Variants in LRRN1 observed in about 807,000 individuals in gnomAD.
LRRN1 encodes leucine-rich repeat neuronal protein 1.
A neutral mutation model predicts 45.8 loss-of-function variants in LRRN1; 14 were observed. The ratio of observed to expected loss-of-function variants is 0.31; its 90% CI spans 0.20 to 0.48. The LOEUF is 0.48. LRRN1 is among the 20% of genes least tolerant of loss of function. LRRN1 has a pLI of 0.99. For missense variants in LRRN1, 789 were observed against 874.2 expected, an observed-to-expected ratio of 0.90 and a Z score of 1.23; for synonymous variants, 359 against 330.1, an observed-to-expected ratio of 1.09 and a Z score of -0.95.
At chr3:3,826,768 T>C (rs879626204) in intron 1 of LRRN1, among the ~76,000 whole-genome samples, 2 of 152,122 alleles carry the variant, frequency 1.3e-5, no homozygotes, top group Non-Finnish European at 2.9e-5. Context: ...AAGGGTCAGG[T>C]GCCAGAAAAA....
chr3:3,817,697 T>G (rs1378129809), intron 1 of LRRN1, among the ~76,000 whole-genome samples: 1 of 152,182 alleles, frequency 6.6e-6, no homozygotes, highest in Admixed American at 6.5e-5. Context: ...TGTTAGTTTT[T>G]TTTTTTTTTA....
At position 3,822,286 on chromosome 3, in the gene LRRN1, A is replaced by G. The variant is rs1485485829; in HGVS notation, c.-278-22078A>G. The stretch of plus-strand genomic sequence containing the variant: ...AAGAACTAACTGCTGTTACTCTTAC[A>G]ACTACTACTCAGCCAAAACTACCCT... On this transcript the variant is annotated intron_variant, in intron 1 of 1. Transcript: ENST00000319331. 2.0e-5 allele frequency among the ~76,000 whole-genome samples: 3 copies of G among 152,344 alleles called. No individual in the cohort carries two copies. The East Asian group carries it at 5.8e-4, about 29-fold the overall frequency.
At chr3:3,813,630 A>C (rs1239256330) in intron 1 of LRRN1, among the ~76,000 whole-genome samples, 2 of 152,092 alleles carry the variant, frequency 1.3e-5, no homozygotes, top group African/African-American at 2.4e-5. Flanking sequence ...ATTTCCCTCC[A>C]ACCATAACCT....
intron 1 of LRRN1, among the ~76,000 whole-genome samples, chr3:3,802,425 A>G (rs1405620863): frequency 1.3e-5 from 2 of 152,186 alleles, no homozygotes; most frequent in African/African-American, 4.8e-5. Context: ...TATTCTATAT[A>G]TTCACTGAAA....
Position 3,816,318 on chromosome 3 carries a change from A to T in LRRN1, c.-279+16399A>T, listed in dbSNP as rs982750172. 6.6e-6 allele frequency among the ~76,000 whole-genome samples: 1 copy of T among 152,168 alleles called. No homozygotes were observed. The highest frequency in any genetic ancestry group is 1.5e-5 in the Non-Finnish European group (1 of 68,008). On this transcript the variant is annotated intron_variant, in intron 1 of 1. Coordinates refer to ENST00000319331, the MANE Select transcript of LRRN1 (RefSeq NM_020873.7). This position sits in a 1 kb window ranked among gnomAD's most constrained non-coding sequence, Gnocchi z 4.0. The stretch of plus-strand genomic sequence containing the variant: ...GTATTGGACCATTAGTTTCAAATGC[A>T]TACTAAGATAGGGGAACACATTGGC...
intron 1 of LRRN1, among the ~76,000 whole-genome samples, chr3:3,839,514 A>C (rs1345288280): frequency 6.6e-6 from 1 of 152,144 alleles, no homozygotes; most frequent in African/African-American, 2.4e-5. Flanking sequence ...TTTCCTGTAG[A>C]AATTACCATT....
At chr3:3,829,618 C>T (rs1233146122) in intron 1 of LRRN1, among the ~76,000 whole-genome samples, 1 of 152,206 alleles carries the variant, frequency 6.6e-6, no homozygotes. Flanking sequence ...GGCCATTCCA[C>T]TGTTCTGTCA....
At chr3:3,842,564 C>T (rs558587114) in intron 1 of LRRN1, among the ~76,000 whole-genome samples, 3 of 152,086 alleles carry the variant, frequency 2.0e-5, no homozygotes, top group African/African-American at 4.8e-5. Flanking sequence ...AAGATAACTA[C>T]GTTTTACAAA....
At chr3:3,833,263 C>G (rs1693408209) in intron 1 of LRRN1, among the ~76,000 whole-genome samples, 1 of 152,182 alleles carries the variant, frequency 6.6e-6, no homozygotes, top group Admixed American at 6.5e-5. Flanking sequence ...ATCCCTTCCT[C>G]TACATTAAAC....
Position 3,847,614 on chromosome 3 carries a change from T to C in LRRN1, c.*822T>C, listed in dbSNP as rs1368316268. The C allele has an allele frequency of 4.8e-5, 8 of 167,104 alleles. No homozygotes were observed. The highest frequency in any genetic ancestry group is 2.9e-5 in the Non-Finnish European group (2 of 68,124). The allele number at this position is 167,104 out of a possible 1,614,324, so 10.4% of individuals were successfully genotyped here. A position where few individuals can be genotyped will look rare whatever the true frequency, so the allele number is the denominator to read the frequency against. ...TAATAAATTAGTTTTGTTCTGATTT[T>C]TTAGAACACTTGCAATAATGTATCA... is the stretch of plus-strand genomic sequence containing the variant. On this transcript the variant is annotated 3_prime_UTR_variant, in exon 2 of 2. Coordinates refer to ENST00000319331, the MANE Select transcript of LRRN1 (RefSeq NM_020873.7).
chr3:3,831,102 T>C (rs2083960), intron 1 of LRRN1, among the ~76,000 whole-genome samples: 101,062 of 152,112 alleles, frequency 0.66, 34,968 homozygotes, highest in Non-Finnish European at 0.77. Context: ...GGGCTTGTTG[T>C]AGAGCCTGCT....
chr3:3,837,113 G>C (rs766944588), intron 1 of LRRN1, among the ~76,000 whole-genome samples: 2 of 152,146 alleles, frequency 1.3e-5, no homozygotes, highest in East Asian at 3.8e-4. Flanking sequence ...ACTCCCCTCA[G>C]CTCTGGAAAG....
intron 1 of LRRN1, among the ~76,000 whole-genome samples, chr3:3,834,525 GATAT>G (rs71040093): frequency 0.035 from 950 of 27,324 alleles, 131 homozygotes; most frequent in South Asian, 0.11. Context: ...GACAGAACAG[GATAT>G]ATATATATAT....
At position 3,844,630 on chromosome 3, in the gene LRRN1, C is replaced by G; in HGVS notation, c.-12C>G. 3 of 1,598,252 alleles carry G rather than the reference C, an allele frequency of 1.9e-6. No homozygotes were observed. The highest frequency in any genetic ancestry group is 2.6e-6 in the Non-Finnish European group (3 of 1,170,312). The stretch of plus-strand genomic sequence containing the variant: ...TGGGGTGTCAGGAGTTGAGCTTGCT[C>G]AGCAAGCCAGCATGGCTAGGATGAG... On this transcript the variant is annotated 5_prime_UTR_variant, in exon 2 of 2. Transcript: ENST00000319331.
chr3:3,824,969 T>C (rs1693186467), intron 1 of LRRN1, among the ~76,000 whole-genome samples: 1 of 152,102 alleles, frequency 6.6e-6, no homozygotes, highest in Non-Finnish European at 1.5e-5. Flanking sequence ...ATCTGTATAT[T>C]TCACAGGGAG....
In LRRN1 at chr3:3,846,004, C is replaced by T; in HGVS notation, c.1363C>T (p.Pro455Ser). The change falls in exon 2 of 2, where the codon CCT becomes TCT. Residue 455 changes from proline to serine, a missense_variant. By Grantham distance (74) the Pro-to-Ser change is moderately conservative (BLOSUM62 -1). Transcript: ENST00000319331. This position sits in a 1 kb window ranked among gnomAD's most constrained non-coding sequence, Gnocchi z 5.7. ...LDCRAMAEPE[P>S]EIYWVTPIGN... ...CTGTCGAGCCATGGCTGAGCCAGAA[C>T]CTGAAATTTACTGGGTCACTCCCAT... 2 of 1,613,844 alleles carry T rather than the reference C, an allele frequency of 1.2e-6. No individual in the cohort carries two copies. Among genetic ancestry groups the T allele is most frequent in the South Asian group, 1.1e-5 (1 of 91,068 alleles).
At chr3:3,843,086 TATA>T (rs1348031707) in intron 1 of LRRN1, among the ~76,000 whole-genome samples, 1 of 152,238 alleles carries the variant, frequency 6.6e-6, no homozygotes, top group Non-Finnish European at 1.5e-5. Flanking sequence ...TTTGTGAGCA[TATA>T]ATGTGAGTCA....
chr3:3,800,432 C>T (rs2106446798), intron 1 of LRRN1, among the ~76,000 whole-genome samples: 1 of 152,172 alleles, frequency 6.6e-6, no homozygotes, highest in South Asian at 2.1e-4. Context: ...GGTGTCTTGG[C>T]GGTGGCCTTG....
At chr3:3,804,795 G>GCGACA (rs1553560970) in intron 1 of LRRN1, among the ~76,000 whole-genome samples, 6,604 of 152,044 alleles carry the variant, frequency 0.043, 251 homozygotes, top group East Asian at 0.15. Context: ...CAATGTACAT[G>GCGACA]TGACATCCTT....
Sources: gnomAD v4.1 joint callset for allele counts (sites outside exome capture counted in the v4.1 genomes callset) on GRCh38, gnomAD v4.1.1 for gene constraint, Gnocchi (gnomAD v3.1) non-coding constraint, MANE v1.5 for transcripts, NCBI Gene and HGNC (gene_info 2026-07-23, HGNC 2026-07-21) for gene names.